MAP9: variants seen among roughly 807,000 people sequenced by gnomAD.
MAP9 encodes the protein microtubule associated protein 9, also known as microtubule-associated protein 9.
Under a neutral mutation model 75.2 loss-of-function variants are expected in MAP9, and 80 were observed. That is an observed-to-expected ratio of 1.06 (90% CI 0.89 to 1.28). The LOEUF (loss-of-function observed/expected upper bound fraction) is 1.28. Ranked by LOEUF, MAP9 falls within the 50% of genes most tolerant of loss-of-function variation. The pLI is 0.00. For missense variants in MAP9, 753 were observed against 719.9 expected, an observed-to-expected ratio of 1.05 and a Z score of -0.53; for synonymous variants, 235 against 237.3, an observed-to-expected ratio of 0.99 and a Z score of 0.09.
At chr4:155,352,802 C>T in intron 12 of MAP9, 74 bp from the exon 13 acceptor site, 4 of 1,428,730 alleles carry the variant, frequency 2.8e-6, no homozygotes, top group Non-Finnish European at 3.8e-6. Context: ...ACATCTTTGA[C>T]AGTAATGAAA....
chr4:155,360,084 T>C, intron 7 of MAP9, 84 bp downstream of exon 7: 5 of 1,256,438 alleles, frequency 4.0e-6, no homozygotes, highest in Non-Finnish European at 4.5e-6. Flanking sequence ...AATTCAGAAG[T>C]ATATAACACA....
intron 13 of MAP9, among the ~76,000 whole-genome samples, chr4:155,351,824 A>AC (rs1731524251): frequency 6.6e-6 from 1 of 152,052 alleles, no homozygotes; most frequent in African/African-American, 2.4e-5. Context: ...AGGAAACCTG[A>AC]CTGGATAGAC....
chr4:155,376,644 G>A (rs1318587228), intron 1 of MAP9, 127 bp downstream of exon 1: 1 of 152,712 alleles, frequency 6.5e-6, no homozygotes, highest in African/African-American at 2.4e-5. Context: ...GCACGTCCAA[G>A]CGCGGTCTCT....
At chr4:155,367,792 G>C (rs1354271756) in intron 5 of MAP9, among the ~76,000 whole-genome samples, 2 of 152,180 alleles carry the variant, frequency 1.3e-5, no homozygotes, top group Non-Finnish European at 2.9e-5. Context: ...GCACAAAAGA[G>C]CTCCTCTCAG....
At chr4:155,368,939 T>A (rs746671800) in intron 4 of MAP9, 127 bp from the exon 5 acceptor site, 8 of 698,026 alleles carry the variant, frequency 1.1e-5, no homozygotes, top group Non-Finnish European at 1.9e-5. Context: ...AGAGTCCAGA[T>A]GAAGCCCACA....
chr4:155,362,268 T>C lies in MAP9; in HGVS notation c.709-127A>G, dbSNP rs1578849494. 3 of 612,032 alleles carry C rather than the reference T, an allele frequency of 4.9e-6. No homozygotes were observed. In the East Asian group the frequency reaches 9.5e-5, roughly 19 times the overall value. The allele number at this position is 612,032 out of a possible 1,614,324, so 37.9% of individuals were successfully genotyped here. A position where few individuals can be genotyped will look rare whatever the true frequency, so the allele number is the denominator to read the frequency against. ...TCTGAAATCTGCATTATTTAGGCAT[T>C]TGTTGCTGAAACGCAAAGTGTGACA... On this transcript the variant is annotated intron_variant, in intron 5 of 13. Coordinates refer to ENST00000311277, the MANE Select transcript of MAP9 (RefSeq NM_001039580.2).
rs1213451405 is a variant in MAP9, at chr4:155,376,774, G to C, written c.-68C>G. ...GCATCGGGTAGGAGCTGCTCACCTT[G>C]GTCTGGGCCTGGCGGCGCCCGCAGA... On this transcript the variant is annotated 5_prime_UTR_variant, in exon 1 of 14. Coordinates refer to ENST00000311277, the MANE Select transcript of MAP9 (RefSeq NM_001039580.2). 1 of 152,820 alleles carries C rather than the reference G, an allele frequency of 6.5e-6. No homozygotes were observed. The highest frequency in any genetic ancestry group is 1.5e-5 in the Non-Finnish European group (1 of 68,200). The allele number at this position is 152,820 out of a possible 1,614,324, so 9.5% of individuals were successfully genotyped here. A position where few individuals can be genotyped will look rare whatever the true frequency, so the allele number is the denominator to read the frequency against.
intron 9 of MAP9, 125 bp downstream of exon 9, chr4:155,355,591 C>T (rs535955084): frequency 1.0e-3 from 144 of 139,326 alleles, no homozygotes; most frequent in Middle Eastern, 1.5e-3. Context: ...TAAAAGGAAA[C>T]TCTTTCTCAA....
Position 155,352,618 on chromosome 4 carries a change from A to C in MAP9, c.1799T>G (p.Ile600Ser), listed in dbSNP as rs745641863. 12 of 1,561,256 alleles carry C rather than the reference A, an allele frequency of 7.7e-6. No homozygotes were observed. Among genetic ancestry groups the C allele is most frequent in the Non-Finnish European group, 1.0e-5 (12 of 1,145,902 alleles). The change falls in exon 13 of 14, where the codon ATT becomes AGT. Residue 600 changes from isoleucine (I) to serine (S), a missense_variant. Ile to Ser is a moderately radical substitution (Grantham distance 142, BLOSUM62 -2). Transcript: ENST00000311277. ...TACCAGCCATTTTTCATATTCATTA[A>C]TAGCTTGTTTATCTTTATCTTTTTT... ...AEKKDKDKQA[I>S]NEYEKWLENK...
chr4:155,353,412 A>G (rs1441992895), intron 10 of MAP9, 72 bp from the exon 11 acceptor site: 1 of 1,214,614 alleles, frequency 8.2e-7, no homozygotes, highest in Non-Finnish European at 1.1e-6. Flanking sequence ...ATGGCTAGAT[A>G]TAAATATACA....
intron 1 of MAP9, chr4:155,376,494 G>C (rs1732852613): frequency 1.3e-5 from 2 of 152,416 alleles, no homozygotes; most frequent in African/African-American, 4.8e-5. Context: ...GCGGTTTCCC[G>C]TACTCGGAGC....
chr4:155,347,352 C>G lies in MAP9; in HGVS notation c.*431G>C, dbSNP rs906368373. On this transcript the variant is annotated 3_prime_UTR_variant, in exon 14 of 14. Transcript: ENST00000311277. ...AGAAGGAATAATATATGCGCACTTCCCAGCGACCCTTCATTTAAAAACCTG... is the reference window on the plus strand; with the variant it reads ...AGAAGGAATAATATATGCGCACTTCGCAGCGACCCTTCATTTAAAAACCTG... 37 of 153,900 alleles carry G rather than the reference C, an allele frequency of 2.4e-4. 1 individual carries two copies. In the East Asian group the frequency reaches 7.1e-3, roughly 29 times the overall value. The allele number at this position is 153,900 out of a possible 1,614,324, so 9.5% of individuals were successfully genotyped here. A position where few individuals can be genotyped will look rare whatever the true frequency, so the allele number is the denominator to read the frequency against.
Position 155,368,819 on chromosome 4 carries a change from A to C in MAP9, c.482-7T>G. On this transcript the variant is annotated splice_region_variant and splice_polypyrimidine_tract_variant and intron_variant, in intron 4 of 13. Coordinates refer to ENST00000311277, the MANE Select transcript of MAP9 (RefSeq NM_001039580.2). ...TCAAGGCTGTTGTTTTCTGCTGAAAAATAAAATGCTTAAAGTGTGTGTATA... is the reference window on the plus strand; with the variant it reads ...TCAAGGCTGTTGTTTTCTGCTGAAACATAAAATGCTTAAAGTGTGTGTATA... 3 of 1,596,634 alleles carry C rather than the reference A, an allele frequency of 1.9e-6. No individual in the cohort carries two copies. Among genetic ancestry groups the C allele is most frequent in the Non-Finnish European group, 2.6e-6 (3 of 1,171,528 alleles).
At position 155,376,783 on chromosome 4, in the gene MAP9, C is replaced by T. The variant is rs1258742232; in HGVS notation, c.-77G>A. 1 of 152,802 alleles carries T rather than the reference C, an allele frequency of 6.5e-6. No homozygotes were observed. The highest frequency in any genetic ancestry group is 2.4e-5 in the African/African-American group (1 of 41,458). The allele number at this position is 152,802 out of a possible 1,614,324, so 9.5% of individuals were successfully genotyped here. On this transcript the variant is annotated 5_prime_UTR_variant, in exon 1 of 14. Coordinates refer to ENST00000311277, the MANE Select transcript of MAP9 (RefSeq NM_001039580.2). ...AGGAGCTGCTCACCTTGGTCTGGGC[C>T]TGGCGGCGCCCGCAGAGCCGGTCCT...
rs1200731986 is a variant in MAP9, at chr4:155,355,085, T to A, written c.1366A>T (p.Ile456Phe). 2.9e-6 allele frequency: 4 copies of A among 1,401,938 alleles called. No homozygotes were observed. The highest frequency in any genetic ancestry group is 1.9e-6 in the Non-Finnish European group (2 of 1,034,290). The allele number at this position is 1,401,938 out of a possible 1,614,324, so 86.8% of individuals were successfully genotyped here. A position where few individuals can be genotyped will look rare whatever the true frequency, so the allele number is the denominator to read the frequency against. The change falls in exon 10 of 14, where the codon ATC (isoleucine) becomes TTC (phenylalanine). Residue 456 changes from isoleucine to phenylalanine, a missense_variant. Coordinates refer to ENST00000311277, the MANE Select transcript of MAP9 (RefSeq NM_001039580.2). ...TGTCAGAATACCTGTTCATTTTGGA[T>A]CCTTAAGTTTTCACTTTCAATTCTT... ...IKRIESENLR[I>F]QNEQKKAAKR...
At chr4:155,369,923 ATATT>A (rs1223860758) in intron 4 of MAP9, among the ~76,000 whole-genome samples, 1 of 152,194 alleles carries the variant, frequency 6.6e-6, no homozygotes, top group East Asian at 1.9e-4. Context: ...CCTGCTATAC[ATATT>A]TATGTTTCTA....
chr4:155,358,583 A>C (rs1196173578), intron 7 of MAP9, among the ~76,000 whole-genome samples: 1 of 152,174 alleles, frequency 6.6e-6, no homozygotes, highest in African/African-American at 2.4e-5. Context: ...CAAATTCAGG[A>C]GAAACAAAGA....
At chr4:155,365,209 T>C (rs1396352619) in intron 5 of MAP9, among the ~76,000 whole-genome samples, 1 of 152,014 alleles carries the variant, frequency 6.6e-6, no homozygotes, top group African/African-American at 2.4e-5. Context: ...ATAGAAAGCA[T>C]ATACCATGGA....
chr4:155,373,055 G>C (rs1732671560), intron 4 of MAP9, 81 bp downstream of exon 4: 3 of 878,420 alleles, frequency 3.4e-6, no homozygotes, highest in Non-Finnish European at 5.0e-6. Context: ...ATATATACTA[G>C]CTACCATATA....
Sources: gnomAD v4.1 joint callset for allele counts (sites outside exome capture counted in the v4.1 genomes callset) on GRCh38, gnomAD v4.1.1 for gene constraint, MANE v1.5 for transcripts, NCBI Gene and HGNC (gene_info 2026-07-23, HGNC 2026-07-21) for gene names.